SUPT7L: variants seen among roughly 807,000 people sequenced by gnomAD.
The protein encoded by SUPT7L is SPT7 like, STAGA complex subunit gamma.
A neutral mutation model predicts 35.7 loss-of-function variants in SUPT7L; 15 were observed. That is an observed-to-expected ratio of 0.42 (90% CI 0.28 to 0.65). The LOEUF is 0.65. Among genes scored for constraint, SUPT7L ranks in the 30% least tolerant of loss-of-function variants. The probability of loss-of-function intolerance (pLI) is 0.23; values close to 1 mark genes in which losing one functional copy is unlikely to be tolerated. For missense variants in SUPT7L, 434 were observed against 522.2 expected (o/e 0.83, Z 1.65); for synonymous variants, 168 against 186.2 (o/e 0.90, Z 0.79).
intron 4 of SUPT7L, 59 bp from the exon 5 acceptor site, chr2:27,655,661 G>C (rs1396187819): frequency 1.1e-5 from 15 of 1,408,302 alleles, no homozygotes; most frequent in Non-Finnish European, 1.4e-5. Context: ...TGGATAGTCA[G>C]CTTGTGACGT....
chr2:27,656,871 T>G (rs1029605869), intron 4 of SUPT7L, among the ~76,000 whole-genome samples: 11 of 152,202 alleles, frequency 7.2e-5, no homozygotes, highest in Non-Finnish European at 1.3e-4. Flanking sequence ...ACTCCTGGCC[T>G]CAAGCAATCC....
Position 27,651,742 on chromosome 2 carries a change from A to G in SUPT7L, c.*1743T>C, listed in dbSNP as rs1008277053. ...TTCCTTGCACAGGACCTAGCAAATA[A>G]TTGGTACTCAATGTTTGCTGGATGA... On this transcript the variant is annotated 3_prime_UTR_variant, in exon 6 of 6. Coordinates refer to ENST00000337768, the MANE Select transcript of SUPT7L (RefSeq NM_014860.3). 2.0e-5 allele frequency: 3 copies of G among 152,224 alleles called. No individual in the cohort carries two copies. The highest frequency in any genetic ancestry group is 7.2e-5 in the African/African-American group (3 of 41,460). The allele number at this position is 152,224 out of a possible 1,614,324, so 9.4% of individuals were successfully genotyped here. A position where few individuals can be genotyped will look rare whatever the true frequency, so the allele number is the denominator to read the frequency against.
downstream of SUPT7L, among the ~76,000 whole-genome samples, chr2:27,646,667 A>AAG (rs1400492143): frequency 3.9e-5 from 6 of 152,192 alleles, no homozygotes; most frequent in Non-Finnish European, 7.3e-5. Flanking sequence ...CTGTACTTAA[A>AAG]AGAAAAGCTC....
At chr2:27,654,115 C>T (rs1008252688) in intron 5 of SUPT7L, among the ~76,000 whole-genome samples, 2 of 152,162 alleles carry the variant, frequency 1.3e-5, no homozygotes, top group African/African-American at 2.4e-5. Flanking sequence ...GTCCTTCCTT[C>T]CTTCTTTTAT....
intron 1 of SUPT7L, among the ~76,000 whole-genome samples, 198 bp from the exon 2 acceptor site, chr2:27,662,479 C>T (rs530846639): frequency 4.4e-4 from 67 of 152,316 alleles, no homozygotes; most frequent in Admixed American, 2.0e-3. Flanking sequence ...ACACTTTCAG[C>T]TGTGAACTCT....
chr2:27,654,472 T>C (rs1432832540), intron 5 of SUPT7L, among the ~76,000 whole-genome samples: 1 of 152,214 alleles, frequency 6.6e-6, no homozygotes, highest in African/African-American at 2.4e-5. Flanking sequence ...CCAGACTAAT[T>C]TGCAACCTAA....
chr2:27,658,211 TA>T (rs1674892190), intron 3 of SUPT7L, among the ~76,000 whole-genome samples: 1 of 152,230 alleles, frequency 6.6e-6, no homozygotes, highest in African/African-American at 2.4e-5. Flanking sequence ...AAAAGCAATT[TA>T]AAACATATAT....
downstream of SUPT7L, among the ~76,000 whole-genome samples, chr2:27,648,113 A>G (rs1330151769): frequency 6.6e-6 from 1 of 152,262 alleles, no homozygotes; most frequent in Non-Finnish European, 1.5e-5. Flanking sequence ...CTGGATGGTT[A>G]ATACTGAGCT....
Position 27,661,980 on chromosome 2 carries a change from T to C in SUPT7L, c.14+199A>G, listed in dbSNP as rs188143105. The C allele has an allele frequency of 1.3e-4, 92 of 694,752 alleles. No homozygotes were observed. In the East Asian group the frequency reaches 1.5e-3, roughly 11 times the overall value. The allele number at this position is 694,752 out of a possible 1,614,324, so 43.0% of individuals were successfully genotyped here. ...CATTATGCTTTCAACTTTTGACATA[T>C]AGAACGTGAGAGATTTCTGCTGCCT... On this transcript the variant is annotated intron_variant, in intron 2 of 5. Transcript: ENST00000337768.
Position 27,661,009 on chromosome 2 carries a change from T to C in SUPT7L, c.394A>G (p.Ser132Gly). 6.2e-7 allele frequency: 1 copy of C among 1,614,128 alleles called. No individual in the cohort carries two copies. The part of the protein sequence containing the change: ...NPNAPFQIRH[S>G]DPESDFYRGK... ...CGATAAAAGTCACTCTCTGGGTCAC[T>C]GTGCCGGATCTGGAATGGTGCATTG... is the stretch of plus-strand genomic sequence containing the variant. The change falls in exon 3 of 6, where the codon AGT (serine) becomes GGT (glycine). Residue 132 changes from serine (S) to glycine (G), a missense_variant. Around this residue, in one of 3 missense-constraint regions of SUPT7L, gnomAD observed 198 missense variants for 190.8 expected, o/e 1.04. Transcript: ENST00000337768.
downstream of SUPT7L, among the ~76,000 whole-genome samples, chr2:27,649,723 A>T (rs1281998596): frequency 6.6e-6 from 1 of 152,126 alleles, no homozygotes; most frequent in Non-Finnish European, 1.5e-5. Context: ...TTGCTGAGTG[A>T]TATTCCATTA....
Position 27,660,979 on chromosome 2 carries a change from C to A in SUPT7L, c.419+5G>T. The A allele has an allele frequency of 1.2e-6, 2 of 1,611,400 alleles. No homozygotes were observed. The highest frequency in any genetic ancestry group is 2.2e-5 in the South Asian group (2 of 90,854). On this transcript the variant is annotated splice_donor_5th_base_variant and intron_variant, in intron 3 of 5. Coordinates refer to ENST00000337768, the MANE Select transcript of SUPT7L (RefSeq NM_014860.3). ...AAAGTAAGATACAGCAAAGCCTTGC[C>A]TTACCGATAAAAGTCACTCTCTGGG...
downstream of SUPT7L, chr2:27,647,714 A>C (rs1419017991): frequency 6.3e-6 from 4 of 636,822 alleles, no homozygotes; most frequent in African/African-American, 7.2e-5. Context: ...TAGAAGAGGT[A>C]AGATCCTGCG....
In SUPT7L at chr2:27,652,189, G is replaced by C. The variant is rs1304509168; in HGVS notation, c.*1296C>G. ...ATAAATAAATTAAAAAAAAGACTGT[G>C]ACAGAAAGGGTTTAGAGAAATGTGC... On this transcript the variant is annotated 3_prime_UTR_variant, in exon 6 of 6. Coordinates refer to ENST00000337768, the MANE Select transcript of SUPT7L (RefSeq NM_014860.3). 6.6e-6 allele frequency: 1 copy of C among 151,990 alleles called. No homozygotes were observed. Among genetic ancestry groups the C allele is most frequent in the Non-Finnish European group, 1.5e-5 (1 of 68,002 alleles). The allele number at this position is 151,990 out of a possible 1,614,324, so 9.4% of individuals were successfully genotyped here.
chr2:27,655,610 C>T lies in SUPT7L; in HGVS notation c.745-8G>A. The T allele has an allele frequency of 6.4e-7, 1 of 1,554,570 alleles. No homozygotes were observed. The highest frequency in any genetic ancestry group is 8.7e-7 in the Non-Finnish European group (1 of 1,150,278). ...AGAGAGTTGCTTACTAATCTGTTGGCAAGCAAGAGTCAATTTTCCAAGGAA... is the reference window on the plus strand; with the variant it reads ...AGAGAGTTGCTTACTAATCTGTTGGTAAGCAAGAGTCAATTTTCCAAGGAA... On this transcript the variant is annotated splice_polypyrimidine_tract_variant and splice_region_variant and intron_variant, in intron 4 of 5. Transcript: ENST00000337768.
chr2:27,642,633 G>C, the SUPT7L span: 1 of 655,946 alleles, frequency 1.5e-6, no homozygotes, highest in African/African-American at 1.8e-5. Context: ...CTGGAGTCTC[G>C]GCTCACCACA....
At chr2:27,659,829 A>G (rs1329364659) in intron 3 of SUPT7L, among the ~76,000 whole-genome samples, 1 of 152,206 alleles carries the variant, frequency 6.6e-6, no homozygotes, top group Non-Finnish European at 1.5e-5. Context: ...ATGTGTATAC[A>G]CACACATATG....
chr2:27,644,407 C>T, the SUPT7L span, among the ~76,000 whole-genome samples: 8,737 of 152,056 alleles, frequency 0.057, 692 homozygotes, highest in African/African-American at 0.18. Context: ...ACTTTGTTCA[C>T]GGTGTTATTT....
rs1231220819 is a variant in SUPT7L, at chr2:27,651,926, C to A, written c.*1559G>T. 6.6e-6 allele frequency: 1 copy of A among 152,252 alleles called. No homozygotes were observed. The highest frequency in any genetic ancestry group is 2.4e-5 in the African/African-American group (1 of 41,450). 9.4% of individuals were successfully genotyped at this position (152,252 alleles called of 1,614,324 possible). On this transcript the variant is annotated 3_prime_UTR_variant, in exon 6 of 6. Transcript: ENST00000337768. ...CTTTGGGAGCCCGAGGCGGGCAGAT[C>A]ACTTGAGGTCAGGAGTTTTGAGACC... is the stretch of plus-strand genomic sequence containing the variant.
Sources: gnomAD v4.1 joint callset for allele counts (sites outside exome capture counted in the v4.1 genomes callset) on GRCh38, gnomAD v4.1.1 for gene constraint, gnomAD v4.1.1 regional missense constraint, MANE v1.5 for transcripts, NCBI Gene and HGNC (gene_info 2026-07-23, HGNC 2026-07-21) for gene names.